Variants in SRSF4 observed in about 807,000 individuals in gnomAD.
SRSF4 encodes serine/arginine-rich splicing factor 4.
In SRSF4, 12 loss-of-function variants were observed where a neutral mutation model predicts 48.8. The ratio of observed to expected loss-of-function variants is 0.25; its 90% CI spans 0.16 to 0.40. SRSF4 has a LOEUF of 0.40. Ranked by LOEUF, SRSF4 falls within the 10% of genes least tolerant of loss-of-function variation. The pLI is 1.00. For synonymous variants in SRSF4, 248 were observed against 232.5 expected, an observed-to-expected ratio of 1.07 and a Z score of -0.61; for missense variants, 466 against 667.1, an observed-to-expected ratio of 0.70 and a Z score of 3.32.
rs1672562396 is a variant in SRSF4 at position 29,159,656 on chromosome 1, CTAAATA to C, written c.251-176_251-171del. On this transcript the variant is annotated intron_variant, in intron 2 of 5. Coordinates refer to ENST00000373795, the MANE Select transcript of SRSF4 (RefSeq NM_005626.5). ...AATAGATTTTTAAAGAAGCAATCAG[CTAAATA>C]TAAACATTTAATTTAAAAAGTTGTA... 1.8e-5 allele frequency: 8 copies of C among 439,972 alleles called. No homozygotes were observed. The South Asian group carries it at 3.7e-4, about 20-fold the overall frequency. 27.3% of individuals were successfully genotyped at this position (439,972 alleles called of 1,614,324 possible). A position where few individuals can be genotyped will look rare whatever the true frequency, so the allele number is the denominator to read the frequency against.
chr1:29,150,024 A>T, intron 5 of SRSF4, 79 bp downstream of exon 5: 1 of 1,009,390 alleles, frequency 9.9e-7, no homozygotes, highest in Non-Finnish European at 1.4e-6. Context: ...TGTCTCTTTG[A>T]AAAAAAAAAG....
intron 2 of SRSF4, chr1:29,159,698 T>G (rs1672563091): frequency 5.2e-6 from 2 of 387,574 alleles, no homozygotes; most frequent in Non-Finnish European, 4.6e-6. Flanking sequence ...AGTATACATA[T>G]TCATTAATAT....
intron 4 of SRSF4, 30 bp downstream of exon 4, chr1:29,154,666 G>A (rs751182189): frequency 2.5e-6 from 4 of 1,602,796 alleles, no homozygotes; most frequent in Non-Finnish European, 3.4e-6. Context: ...TTTATGATGA[G>A]CTCCAACACA....
intron 5 of SRSF4, among the ~76,000 whole-genome samples, chr1:29,149,830 A>G (rs947361841): frequency 6.6e-6 from 1 of 151,954 alleles, no homozygotes; most frequent in African/African-American, 2.4e-5. Context: ...TGAGTTTAAG[A>G]TTAGCCTGGG....
chr1:29,177,244 AG>A, intron 1 of SRSF4, among the ~76,000 whole-genome samples: 1 of 151,804 alleles, frequency 6.6e-6, no homozygotes, highest in South Asian at 2.1e-4. Flanking sequence ...ACGTGCATCT[AG>A]GATTCCTGCC....
chr1:29,159,279 T>C, intron 3 of SRSF4, 95 bp downstream of exon 3: 1 of 748,918 alleles, frequency 1.3e-6, no homozygotes, highest in South Asian at 1.7e-5. Flanking sequence ...CATATAACAC[T>C]GTATTTTGTG....
Position 29,175,575 on chromosome 1 carries a change from G to A in SRSF4, c.107+6071C>T, listed in dbSNP as rs1207054076. Among the ~76,000 whole-genome samples, 23 of 148,142 alleles carry A rather than the reference G, an allele frequency of 1.6e-4. 1 individual carries two copies. Among genetic ancestry groups the A allele is most frequent in the Admixed American group, 1.1e-3 (17 of 14,880 alleles). The stretch of plus-strand genomic sequence containing the variant: ...CCGGGAGCGGTGGCGGGCTCCTGTA[G>A]TCCCAGCTACTTGAGAGGCTGAGGC... On this transcript the variant is annotated intron_variant, in intron 1 of 5. Transcript: ENST00000373795.
rs1186407130 is a variant in SRSF4 at position 29,148,176 on chromosome 1, TG to T, written c.*233del. ...CCAAGGCGTTTTGGATATTCTACTGTGGGCCATGAGTAAAAGGGGATTTTCA... is the reference window on the plus strand; with the variant it reads ...CCAAGGCGTTTTGGATATTCTACTGTGGCCATGAGTAAAAGGGGATTTTCA... On this transcript the variant is annotated 3_prime_UTR_variant, in exon 6 of 6. Coordinates refer to ENST00000373795, the MANE Select transcript of SRSF4 (RefSeq NM_005626.5). 1.5e-6 allele frequency: 1 copy of T among 675,354 alleles called. No homozygotes were observed. The allele number at this position is 675,354 out of a possible 1,614,324, so 41.8% of individuals were successfully genotyped here.
rs71586891 is a variant in SRSF4 at position 29,158,433 on chromosome 1, C to CTT, written c.363+939_363+940dup. Reference sequence around the variant, plus strand: ...GCTACACTGCCATCTTCTTGTAACCCTTTTTTTTTTTTTTGAGACAGAGTC... The same window carrying CTT: ...GCTACACTGCCATCTTCTTGTAACCCTTTTTTTTTTTTTTTTGAGACAGAGTC... On this transcript the variant is annotated intron_variant, in intron 3 of 5. Transcript: ENST00000373795. Among the ~76,000 whole-genome samples, 647 of 143,224 alleles carry CTT rather than the reference C, an allele frequency of 4.5e-3. 1 individual carries two copies. Among genetic ancestry groups the CTT allele is most frequent in the African/African-American group, 8.5e-3 (329 of 38,882 alleles). The allele number at this position is 143,224 out of a possible 152,430, so 94.0% of individuals were successfully genotyped here.
intron 1 of SRSF4, chr1:29,171,156 C>A (rs1398033909): frequency 6.6e-6 from 1 of 152,040 alleles, no homozygotes; most frequent in Non-Finnish European, 1.5e-5. Flanking sequence ...GCTGATACCA[C>A]CTTACAGCTT....
intron 1 of SRSF4, among the ~76,000 whole-genome samples, chr1:29,167,362 G>A (rs1391259593): frequency 1.3e-5 from 2 of 152,138 alleles, no homozygotes; most frequent in Non-Finnish European, 2.9e-5. Context: ...TTTAGCTTTA[G>A]CACTTCTATT....
chr1:29,154,943 A>G (rs776782419), intron 3 of SRSF4, 33 bp from the exon 4 acceptor site: 20 of 1,580,222 alleles, frequency 1.3e-5, no homozygotes, highest in Admixed American at 1.8e-5. Context: ...CTACATTAGG[A>G]TATGTTTTGC....
intron 2 of SRSF4, chr1:29,159,734 A>G (rs1023068743): frequency 5.9e-5 from 18 of 307,046 alleles, no homozygotes; most frequent in Admixed American, 4.6e-4. Flanking sequence ...ACATGCATAA[A>G]TTTAAAACTA....
chr1:29,153,883 G>A (rs928502925), intron 4 of SRSF4, among the ~76,000 whole-genome samples: 1 of 152,080 alleles, frequency 6.6e-6, no homozygotes, highest in African/African-American at 2.4e-5. Flanking sequence ...TTACAGGCGT[G>A]AGCCACTGTG....
chr1:29,154,595 T>C, intron 4 of SRSF4, 101 bp downstream of exon 4: 2 of 1,122,358 alleles, frequency 1.8e-6, no homozygotes, highest in East Asian at 2.5e-5. Flanking sequence ...CCAGATGGAA[T>C]CATGTTATTA....
intron 3 of SRSF4, among the ~76,000 whole-genome samples, chr1:29,158,642 C>G (rs2151815344): frequency 6.6e-6 from 1 of 152,150 alleles, no homozygotes; most frequent in East Asian, 1.9e-4. Context: ...ACATTCTTTA[C>G]AGAGAGAAAT....
intron 1 of SRSF4, among the ~76,000 whole-genome samples, chr1:29,164,284 C>T (rs1319535083): frequency 2.0e-5 from 3 of 152,186 alleles, no homozygotes; most frequent in Non-Finnish European, 4.4e-5. Flanking sequence ...AATTTTAGTT[C>T]ATTTAAACAC....
chr1:29,167,777 C>T (rs1330625047), intron 1 of SRSF4, among the ~76,000 whole-genome samples: 1 of 152,210 alleles, frequency 6.6e-6, no homozygotes, highest in African/African-American at 2.4e-5. Flanking sequence ...AGGCTAATAT[C>T]TGTTGGCTAT....
At chr1:29,165,426 G>A (rs1469546611) in intron 1 of SRSF4, among the ~76,000 whole-genome samples, 1 of 152,184 alleles carries the variant, frequency 6.6e-6, no homozygotes, top group Non-Finnish European at 1.5e-5. Context: ...CTTTTGAAAT[G>A]TTAACCACAC....
Sources: gnomAD v4.1 joint callset for allele counts (sites outside exome capture counted in the v4.1 genomes callset) on GRCh38, gnomAD v4.1.1 for gene constraint, MANE v1.5 for transcripts, NCBI Gene and HGNC (gene_info 2026-07-23, HGNC 2026-07-21) for gene names.